Variants in CEP85L observed in about 807,000 individuals in gnomAD.
CEP85L encodes the protein centrosomal protein of 85 kDa-like.
Under a neutral mutation model 100.3 loss-of-function variants are expected in CEP85L, and 60 were observed. The ratio of observed to expected loss-of-function variants is 0.60; its 90% confidence interval spans 0.49 to 0.74. The LOEUF is 0.74. Ranked by LOEUF, CEP85L falls within the 30% of genes least tolerant of loss-of-function variation. The probability of loss-of-function intolerance (pLI) is 0.00; values close to 1 mark genes in which losing one functional copy is unlikely to be tolerated. For synonymous variants in CEP85L, 319 were observed against 322.7 expected (o/e 0.99, Z 0.12); for missense variants, 973 against 936.2 (o/e 1.04, Z -0.51).
At chr6:118,559,453 G>T in intron 3 of CEP85L, 2 of 272,440 alleles carry the variant, frequency 7.3e-6, no homozygotes, top group Non-Finnish European at 1.5e-5. Flanking sequence ...CTCTTTTGAG[G>T]TGAATATAAT....
rs1562340576 is a variant in CEP85L, at chr6:118,651,466, C to A, written c.-197G>T. 1 of 1,316,270 alleles carries A rather than the reference C, an allele frequency of 7.6e-7. No individual in the cohort carries two copies. Among genetic ancestry groups the A allele is most frequent in the Non-Finnish European group, 9.6e-7 (1 of 1,036,338 alleles). The allele number at this position is 1,316,270 out of a possible 1,614,324, so 81.5% of individuals were successfully genotyped here. ...AGATTCGCCGCACTGCCGGCGCCTG[C>A]CATGGCCAAGCCGGCTGGGCTGAGG... is the stretch of plus-strand genomic sequence containing the variant. On this transcript the variant is annotated 5_prime_UTR_variant, in exon 1 of 13. Transcript: ENST00000368491.
At chr6:118,618,167 A>G (rs916089948) in intron 2 of CEP85L, among the ~76,000 whole-genome samples, 2 of 152,196 alleles carry the variant, frequency 1.3e-5, no homozygotes, top group Non-Finnish European at 2.9e-5. Context: ...AGGCTCCCAC[A>G]GCATGGGTTA....
chr6:118,652,526 T>G (rs1454695931), upstream of CEP85L: 1 of 1,391,818 alleles, frequency 7.2e-7, no homozygotes, highest in Non-Finnish European at 9.3e-7. Context: ...CAGAGGTAAG[T>G]CGGAACGCAG....
chr6:118,599,171 C>T (rs1373025846), intron 2 of CEP85L, among the ~76,000 whole-genome samples: 1 of 152,112 alleles, frequency 6.6e-6, no homozygotes, highest in Non-Finnish European at 1.5e-5. Flanking sequence ...CTGAATACCA[C>T]TCTCCAATAA....
At chr6:118,525,578 T>C (rs763670966) in intron 3 of CEP85L, among the ~76,000 whole-genome samples, 72 of 152,190 alleles carry the variant, frequency 4.7e-4, no homozygotes, top group African/African-American at 1.2e-3. Flanking sequence ...AAAGTAGAGA[T>C]TGGAATGACA....
upstream of CEP85L, chr6:118,652,860 T>C: frequency 1.3e-6 from 1 of 772,614 alleles, no homozygotes; most frequent in East Asian, 2.8e-5. Context: ...TTGGTTCCTT[T>C]TTATTATTTT....
At chr6:118,623,970 G>A (rs1773618394) in intron 2 of CEP85L, among the ~76,000 whole-genome samples, 1 of 152,054 alleles carries the variant, frequency 6.6e-6, no homozygotes, top group Non-Finnish European at 1.5e-5. Context: ...AGGTTAAGGT[G>A]GCAGGAGTGG....
At chr6:118,640,123 G>C (rs1455291126) in intron 1 of CEP85L, among the ~76,000 whole-genome samples, 1 of 151,864 alleles carries the variant, frequency 6.6e-6, no homozygotes, top group Admixed American at 6.6e-5. Context: ...ACATTAAACG[G>C]TAAGAAAAAA....
intron 2 of CEP85L, among the ~76,000 whole-genome samples, chr6:118,582,494 G>C (rs1780630969): frequency 6.6e-6 from 1 of 152,198 alleles, no homozygotes. Flanking sequence ...AAAAAGAGGA[G>C]ACAAGGAAGG....
chr6:118,559,058 G>T (rs2114970255), intron 3 of CEP85L: 1 of 1,611,822 alleles, frequency 6.2e-7, no homozygotes, highest in South Asian at 1.1e-5. Flanking sequence ...TTGCTGATCT[G>T]TATCATCGTG....
At chr6:118,465,662 T>C in intron 12 of CEP85L, 94 bp from the exon 13 acceptor site, 1 of 1,135,880 alleles carries the variant, frequency 8.8e-7, no homozygotes, top group Middle Eastern at 2.3e-4. Flanking sequence ...AATACAGTGC[T>C]ACACACTGAA....
chr6:118,543,332 T>C (rs928232884), intron 3 of CEP85L, among the ~76,000 whole-genome samples: 4 of 152,208 alleles, frequency 2.6e-5, no homozygotes, highest in African/African-American at 9.6e-5. Flanking sequence ...TTTCAACTTA[T>C]CCTTTTTAAG....
At chr6:118,475,271 G>C (rs1412271800) in intron 10 of CEP85L, among the ~76,000 whole-genome samples, 2 of 151,622 alleles carry the variant, frequency 1.3e-5, no homozygotes, top group East Asian at 3.9e-4. Context: ...CTATGGTCTT[G>C]GTTCCACTTA....
intron 1 of CEP85L, among the ~76,000 whole-genome samples, chr6:118,673,280 A>G (rs1776374985): frequency 6.6e-6 from 1 of 152,242 alleles, no homozygotes; most frequent in Non-Finnish European, 1.5e-5. Flanking sequence ...CAAGATATTC[A>G]TCTGAGTTTA....
chr6:118,592,329 C>T (rs73766571), intron 2 of CEP85L, among the ~76,000 whole-genome samples: 1,264 of 121,612 alleles, frequency 0.01, 28 homozygotes, highest in African/African-American at 0.035. Context: ...TCCTCTAGGT[C>T]TTTTTTTTTT....
chr6:118,637,129 A>G (rs1427306113), intron 1 of CEP85L, among the ~76,000 whole-genome samples: 1 of 152,218 alleles, frequency 6.6e-6, no homozygotes, highest in African/African-American at 2.4e-5. Context: ...ACATCAGTAC[A>G]ATCTCAACTA....
Position 118,479,921 on chromosome 6 carries a change from T to C in CEP85L, c.1864A>G (p.Ile622Val), listed in dbSNP as rs1347255541. 1.0e-5 allele frequency: 15 copies of C among 1,449,822 alleles called. No individual in the cohort carries two copies. Among genetic ancestry groups the C allele is most frequent in the Non-Finnish European group, 1.4e-5 (15 of 1,056,932 alleles). The allele number at this position is 1,449,822 out of a possible 1,614,324, so 89.8% of individuals were successfully genotyped here. Residue 622 changes from isoleucine (I) to valine (V), a missense_variant and splice_region_variant, in exon 10 of 13, where the codon ATA (isoleucine) becomes GTA (valine). This residue lies in a region of CEP85L where 890 missense variants were observed against 844.5 expected (regional missense o/e 1.05). Transcript: ENST00000368491. ...LRQQNETASK[I>V]IDSQQDEIDR... is the part of the protein sequence containing the mutation. ...ATCTCATCTTGTTGGCTGTCTATTA[T>C]CTAAAACAAAATAAATACATCTGAT...
intron 1 of CEP85L, among the ~76,000 whole-genome samples, chr6:118,688,160 C>T (rs1776902124): frequency 6.6e-6 from 1 of 152,042 alleles, no homozygotes. Flanking sequence ...CACCACCACA[C>T]CCGGCTAATT....
chr6:118,679,244 G>A lies in CEP85L; in HGVS notation c.-27-26436C>T, dbSNP rs576925768. Among the ~76,000 whole-genome samples the A allele has an allele frequency of 5.9e-5, 9 of 152,190 alleles. No individual in the cohort carries two copies. The South Asian group carries it at 1.9e-3, about 32-fold the overall frequency. On this transcript the variant is annotated intron_variant, in intron 1 of 13. Transcript: ENST00000368488. Reference sequence around the variant, plus strand: ...AATTTACATGTCTGATTATTTTCAGGAGATATGAGACCTTGAGCCTCATCT... The same window carrying A: ...AATTTACATGTCTGATTATTTTCAGAAGATATGAGACCTTGAGCCTCATCT...
Sources: allele counts gnomAD v4.1 joint callset (sites outside exome capture counted in the v4.1 genomes callset), GRCh38; gene constraint gnomAD v4.1.1; regional missense constraint gnomAD v4.1.1; transcripts MANE v1.5; gene names NCBI Gene and HGNC (gene_info 2026-07-23, HGNC 2026-07-21).